The following PTPRT variants were observed in gnomAD, a reference collection of about 807,000 sequenced individuals.
The protein encoded by PTPRT is protein tyrosine phosphatase receptor type T, also known as receptor-type tyrosine-protein phosphatase T.
PTPRT carries 56 observed loss-of-function variants against 176.8 expected under a neutral mutation model. That is an observed-to-expected ratio of 0.32 (90% confidence interval 0.26 to 0.40). PTPRT has a LOEUF of 0.40. PTPRT is among the 10% of genes least tolerant of loss of function. PTPRT has a pLI of 1.00. For missense variants in PTPRT, 1,540 were observed against 1,908.2 expected, an observed-to-expected ratio of 0.81 and a Z score of 3.60; for synonymous variants, 783 against 739.0, an observed-to-expected ratio of 1.06 and a Z score of -0.96.
rs1052448735 is a variant in PTPRT at position 42,795,290 on chromosome 20, T to G, written c.215-3824A>C. 3.1e-4 allele frequency among the ~76,000 whole-genome samples: 47 copies of G among 152,292 alleles called. 1 individual carries two copies. Among genetic ancestry groups the G allele is most frequent in the African/African-American group, 9.9e-4 (41 of 41,562 alleles). On this transcript the variant is annotated intron_variant, in intron 2 of 30. Transcript: ENST00000373187. ...ATTGTGGAATTAAACCAGGAAGTAC[T>G]CTCTGGCTGGCCATAAATTTTGCAT...
Position 42,704,758 on chromosome 20 carries a change from C to A in PTPRT, c.860-26599G>T, listed in dbSNP as rs575019742. Reference sequence around the variant, plus strand: ...AACTGTAATTATGCATAACCCCAGACTGCAAAGCTCTCTGAAGGAAAGGGT... The same window carrying A: ...AACTGTAATTATGCATAACCCCAGAATGCAAAGCTCTCTGAAGGAAAGGGT... On this transcript the variant is annotated intron_variant, in intron 6 of 30. Transcript: ENST00000373187. Among the ~76,000 whole-genome samples, 17 of 152,278 alleles carry A rather than the reference C, an allele frequency of 1.1e-4. No individual in the cohort carries two copies. The South Asian group carries it at 2.7e-3, about 24-fold the overall frequency.
At chr20:42,086,753 A>AAAAAAAATATATATATATAT (rs1983991312) in intron 27 of PTPRT, among the ~76,000 whole-genome samples, 1 of 95,540 alleles carries the variant, frequency 1.0e-5, no homozygotes, top group African/African-American at 4.9e-5. Context: ...AAAAAAAAAA[A>AAAAAAAATATATATATATAT]ATATATATAT....
intron 4 of PTPRT, among the ~76,000 whole-genome samples, chr20:42,777,778 C>T (rs1361223037): frequency 3.9e-5 from 6 of 152,294 alleles, no homozygotes; most frequent in African/African-American, 1.4e-4. Context: ...CTTTGCTAGG[C>T]CCTACTCAAC....
chr20:43,154,022 C>T (rs144100871), intron 1 of PTPRT, among the ~76,000 whole-genome samples: 2 of 152,300 alleles, frequency 1.3e-5, no homozygotes, highest in Admixed American at 1.3e-4. Context: ...TATATCTTCA[C>T]GTCTTGGGGA....
chr20:43,057,278 G>A (rs867349035), intron 1 of PTPRT, among the ~76,000 whole-genome samples: 2 of 122,468 alleles, frequency 1.6e-5, no homozygotes, highest in African/African-American at 3.2e-5. Context: ...AAGGAGGAAG[G>A]GGGGGAAGGG....
At chr20:42,446,080 G>A (rs2070727114) in intron 9 of PTPRT, among the ~76,000 whole-genome samples, 1 of 152,044 alleles carries the variant, frequency 6.6e-6, no homozygotes, top group Non-Finnish European at 1.5e-5. Context: ...CCAATCTAAT[G>A]CATCATCCTA....
At chr20:42,594,010 T>C (rs1477218842) in intron 7 of PTPRT, among the ~76,000 whole-genome samples, 1 of 152,100 alleles carries the variant, frequency 6.6e-6, no homozygotes, top group Non-Finnish European at 1.5e-5. Flanking sequence ...GCCTTGGGAA[T>C]TAATGAAATT....
At chr20:42,589,160 T>C (rs1223106431) in intron 7 of PTPRT, among the ~76,000 whole-genome samples, 1 of 152,182 alleles carries the variant, frequency 6.6e-6, no homozygotes, top group Non-Finnish European at 1.5e-5. Context: ...TCCAAGCTCT[T>C]ACCTACCCAC....
intron 9 of PTPRT, among the ~76,000 whole-genome samples, chr20:42,395,091 T>C (rs193213412): frequency 8.5e-4 from 129 of 152,292 alleles, no homozygotes; most frequent in Middle Eastern, 3.4e-3. Flanking sequence ...TAACCTCAAG[T>C]GCTCCCTTGG....
chr20:42,506,589 T>C (rs979280311), intron 7 of PTPRT, among the ~76,000 whole-genome samples: 1 of 152,202 alleles, frequency 6.6e-6, no homozygotes, highest in African/African-American at 2.4e-5. Flanking sequence ...GTGAACAATG[T>C]TGCACAATAA....
chr20:42,695,483 A>T (rs1315362521), intron 6 of PTPRT, among the ~76,000 whole-genome samples: 2 of 152,190 alleles, frequency 1.3e-5, no homozygotes, highest in Non-Finnish European at 2.9e-5. Context: ...TTTTAGTGGT[A>T]TTTATTTTTT....
rs182749415 is a variant in PTPRT at position 42,910,393 on chromosome 20, T to C, written c.89-24461A>G. ...GCAACCAGCTCAGTGGTAGAATCAA[T>C]GAAAATTTTTATATCCTCCTTTATC... On this transcript the variant is annotated intron_variant, in intron 1 of 30. Transcript: ENST00000373187. Among the ~76,000 whole-genome samples the C allele has an allele frequency of 2.4e-3, 358 of 152,286 alleles. 2 individuals carry two copies. Among genetic ancestry groups the C allele is most frequent in the African/African-American group, 8.1e-3 (338 of 41,562 alleles).
chr20:42,910,556 G>A (rs745959756), intron 1 of PTPRT, among the ~76,000 whole-genome samples: 1 of 152,062 alleles, frequency 6.6e-6, no homozygotes. Flanking sequence ...CCAAGTAATC[G>A]ACAGCTGGCT....
intron 1 of PTPRT, among the ~76,000 whole-genome samples, chr20:42,911,480 A>G (rs1367171308): frequency 1.3e-5 from 2 of 152,156 alleles, no homozygotes; most frequent in Non-Finnish European, 2.9e-5. Context: ...AGTGACAAAT[A>G]CTCCAAATGC....
intron 1 of PTPRT, among the ~76,000 whole-genome samples, chr20:42,915,203 G>T (rs1325135238): frequency 2.6e-5 from 4 of 152,212 alleles, no homozygotes; most frequent in Non-Finnish European, 4.4e-5. Flanking sequence ...CTCTCTGGGA[G>T]CCCCACTGCA....
intron 15 of PTPRT, among the ~76,000 whole-genome samples, chr20:42,203,678 A>G (rs2055380281): frequency 6.6e-6 from 1 of 152,242 alleles, no homozygotes; most frequent in Non-Finnish European, 1.5e-5. Context: ...ATACTAGAAG[A>G]TCATGTCTTC....
In PTPRT at chr20:42,611,412, T is replaced by C. The variant is rs17809988; in HGVS notation, c.1153+66454A>G. 2.3e-3 allele frequency among the ~76,000 whole-genome samples: 348 copies of C among 152,294 alleles called. 3 individuals are homozygous for C. Among genetic ancestry groups the C allele is most frequent in the Non-Finnish European group, 4.0e-3 (271 of 68,012 alleles). On this transcript the variant is annotated intron_variant, in intron 7 of 30. Coordinates refer to ENST00000373187, the MANE Select transcript of PTPRT (RefSeq NM_007050.6). Reference sequence around the variant, plus strand: ...TTATCTCATTTCATCTTCAGAACGCTGCCATAAGGGCAGGCACTACCATCC... The same window carrying C: ...TTATCTCATTTCATCTTCAGAACGCCGCCATAAGGGCAGGCACTACCATCC...
In PTPRT at chr20:43,047,811, A is replaced by T. The variant is rs74875389; in HGVS notation, c.88+141835T>A. ...AATTACCTCAATTAATCCCCACAGAACTCCATAAAATAGGGGTTCTTTTGT... is the reference window on the plus strand; with the variant it reads ...AATTACCTCAATTAATCCCCACAGATCTCCATAAAATAGGGGTTCTTTTGT... On this transcript the variant is annotated intron_variant, in intron 1 of 30. Coordinates refer to ENST00000373187, the MANE Select transcript of PTPRT (RefSeq NM_007050.6). 3.7e-3 allele frequency among the ~76,000 whole-genome samples: 562 copies of T among 152,248 alleles called. 4 individuals are homozygous for T. The highest frequency in any genetic ancestry group is 0.013 in the African/African-American group (547 of 41,534).
chr20:42,428,742 A>G (rs56017218), intron 9 of PTPRT, among the ~76,000 whole-genome samples: 17,989 of 152,092 alleles, frequency 0.12, 1,045 homozygotes, highest in Middle Eastern at 0.14. Flanking sequence ...AACTCAACTC[A>G]TCCCATTTGT....
Sources: gnomAD v4.1 joint callset for allele counts (sites outside exome capture counted in the v4.1 genomes callset) on GRCh38, gnomAD v4.1.1 for gene constraint, MANE v1.5 for transcripts, NCBI Gene and HGNC (gene_info 2026-07-23, HGNC 2026-07-21) for gene names.